Variants in TOX2 observed in about 807,000 individuals in gnomAD.
TOX2 encodes the protein granulosa cell HMG box 1.
Under a neutral mutation model 47.4 loss-of-function variants are expected in TOX2, and 15 were observed. That is an observed-to-expected ratio of 0.32 (90% CI 0.21 to 0.49). The LOEUF (loss-of-function observed/expected upper bound fraction) is 0.49, where lower values mean the gene tolerates loss of function less well. TOX2 is among the 20% of genes least tolerant of loss of function. The pLI, the probability that TOX2 is intolerant of heterozygous loss-of-function variation, is 0.99. For synonymous variants in TOX2, 290 were observed against 296.6 expected, an observed-to-expected ratio of 0.98 and a Z score of 0.23; for missense variants, 622 against 673.1, an observed-to-expected ratio of 0.92 and a Z score of 0.84.
intron 7 of TOX2, 26 bp downstream of exon 7, chr20:44,066,133 C>A: frequency 6.7e-7 from 1 of 1,501,950 alleles, no homozygotes; most frequent in Non-Finnish European, 8.8e-7. Flanking sequence ...CAGAACAGCC[C>A]TTCTGTGACC....
Position 43,940,476 on chromosome 20 carries a change from G to A in TOX2, c.99+25486G>A, listed in dbSNP as rs535579153. On this transcript the variant is annotated intron_variant, in intron 1 of 8. Coordinates refer to ENST00000341197, the MANE Select transcript of TOX2 (RefSeq NM_001098797.2). ...TGATCTCAAGCAATCCTCCCATCTC[G>A]GCCTCACAAATTGCTGGGATTACAG... 4.0e-4 allele frequency among the ~76,000 whole-genome samples: 61 copies of A among 151,204 alleles called. 1 individual carries two copies. The highest frequency in any genetic ancestry group is 4.4e-4 in the Non-Finnish European group (30 of 67,874).
At chr20:44,005,972 A>C (rs527950126) in intron 2 of TOX2, among the ~76,000 whole-genome samples, 2 of 152,066 alleles carry the variant, frequency 1.3e-5, no homozygotes, top group African/African-American at 4.8e-5. Context: ...CTGGAAAGGA[A>C]GGTGCACAGG....
At position 44,006,693 on chromosome 20, in the gene TOX2, G is replaced by A; in HGVS notation, c.312G>A (p.Leu104=). ...GCCACGGCCTCACCCCCAACGGTCT[G>A]CTCCCTGCCTACTCCTATCAGGCCA... ...SLCHGLTPNG[L]LPAYSYQAMD... is the part of the protein sequence containing the mutation. The change falls in exon 3 of 9, where the codon CTG becomes CTA. Residue 104 remains leucine, a synonymous_variant. Coordinates refer to ENST00000341197, the MANE Select transcript of TOX2 (RefSeq NM_001098797.2). 6.2e-7 allele frequency: 1 copy of A among 1,614,096 alleles called. No individual in the cohort carries two copies. Among genetic ancestry groups the A allele is most frequent in the Non-Finnish European group, 8.5e-7 (1 of 1,180,040 alleles).
At chr20:44,009,713 T>C (rs978418331) in intron 3 of TOX2, among the ~76,000 whole-genome samples, 1 of 152,214 alleles carries the variant, frequency 6.6e-6, no homozygotes, top group Non-Finnish European at 1.5e-5. Context: ...CCGTACTTGC[T>C]TACTGGGCTC....
chr20:43,997,620 C>T (rs984299910), intron 2 of TOX2, among the ~76,000 whole-genome samples: 1 of 151,888 alleles, frequency 6.6e-6, no homozygotes, highest in Non-Finnish European at 1.5e-5. Flanking sequence ...CCTTGTATTT[C>T]TTATCTAAAA....
chr20:43,958,002 C>T (rs568553503), intron 1 of TOX2, among the ~76,000 whole-genome samples: 60 of 152,298 alleles, frequency 3.9e-4, no homozygotes, highest in African/African-American at 1.4e-3. Context: ...TTGGGCATTA[C>T]AATTCGACAT....
At chr20:43,946,257 A>AG (rs2069468861) in intron 1 of TOX2, among the ~76,000 whole-genome samples, 1 of 152,228 alleles carries the variant, frequency 6.6e-6, no homozygotes, top group Non-Finnish European at 1.5e-5. Context: ...TCTGGAGAGC[A>AG]GGGTCAGGCT....
At chr20:43,933,945 G>A (rs544471028) in intron 1 of TOX2, among the ~76,000 whole-genome samples, 183 of 152,226 alleles carry the variant, frequency 1.2e-3, no homozygotes, top group African/African-American at 4.3e-3. Context: ...CTCGGGCTCC[G>A]ATGTGGACTC....
At chr20:44,063,545 GA>G (rs1448043736) in intron 5 of TOX2, among the ~76,000 whole-genome samples, 1 of 152,124 alleles carries the variant, frequency 6.6e-6, no homozygotes, top group Non-Finnish European at 1.5e-5. Context: ...AAACAGTGTG[GA>G]AATTCCCCAA....
At chr20:44,059,900 C>G (rs1163608824) in intron 5 of TOX2, among the ~76,000 whole-genome samples, 1 of 152,144 alleles carries the variant, frequency 6.6e-6, no homozygotes, top group East Asian at 1.9e-4. Flanking sequence ...AGAATAGTAC[C>G]TCACATCTCA....
intron 3 of TOX2, among the ~76,000 whole-genome samples, chr20:44,048,900 GC>G (rs2071461215): frequency 1.3e-5 from 2 of 152,246 alleles, no homozygotes; most frequent in South Asian, 4.1e-4. Context: ...ACTTTGGCGG[GC>G]CGAGGTGGGC....
At chr20:43,961,114 G>T (rs980415231) in intron 1 of TOX2, among the ~76,000 whole-genome samples, 11 of 152,268 alleles carry the variant, frequency 7.2e-5, no homozygotes, top group Admixed American at 5.2e-4. Context: ...TGTTTTACGG[G>T]GTGCCCCCAT....
At chr20:44,036,109 C>T (rs111922765) in intron 3 of TOX2, among the ~76,000 whole-genome samples, 177 of 152,326 alleles carry the variant, frequency 1.2e-3, no homozygotes, top group African/African-American at 3.8e-3. Context: ...GTTGCAGCTG[C>T]GAGCTGTCAG....
rs2069119890 is a variant in TOX2 at position 43,922,229 on chromosome 20, C to A, written c.99+7239C>A. 3.3e-5 allele frequency among the ~76,000 whole-genome samples: 5 copies of A among 152,308 alleles called. No homozygotes were observed. The South Asian group carries it at 1.0e-3, about 32-fold the overall frequency. ...TGTTTCCCAGCCTCGGCGCTATTGA[C>A]ATTTTGGACCTAATAACATTGTTGT... On this transcript the variant is annotated intron_variant, in intron 1 of 8. Coordinates refer to ENST00000341197, the MANE Select transcript of TOX2 (RefSeq NM_001098797.2).
At chr20:43,921,692 T>C (rs925499538) in intron 1 of TOX2, among the ~76,000 whole-genome samples, 10 of 151,830 alleles carry the variant, frequency 6.6e-5, no homozygotes, top group African/African-American at 2.4e-4. Context: ...ACAGTCTTGC[T>C]CTCTTGCCCA....
intron 3 of TOX2, among the ~76,000 whole-genome samples, chr20:44,040,161 G>A (rs2071309315): frequency 6.6e-6 from 1 of 152,158 alleles, no homozygotes. Flanking sequence ...TTCTTCTAAA[G>A]GCTGAAATTG....
At position 44,034,923 on chromosome 20, in the gene TOX2, C is replaced by T. The variant is rs77827865; in HGVS notation, c.412-16383C>T. On this transcript the variant is annotated intron_variant, in intron 3 of 8. Coordinates refer to ENST00000341197, the MANE Select transcript of TOX2 (RefSeq NM_001098797.2). ...GCTCATCACCTTCACTCTGCTCAAT[C>T]CTGCTCCTCCTTCTATGTCTCCACC... Among the ~76,000 whole-genome samples the T allele has an allele frequency of 3.3e-3, 496 of 152,378 alleles. 2 individuals are homozygous for T. The highest frequency in any genetic ancestry group is 5.1e-3 in the Non-Finnish European group (347 of 68,032).
intron 1 of TOX2, among the ~76,000 whole-genome samples, chr20:43,926,718 A>G (rs146345049): frequency 6.6e-6 from 1 of 152,216 alleles, no homozygotes; most frequent in East Asian, 1.9e-4. Context: ...TTCTCATTGC[A>G]ATTCCCACAG....
intron 3 of TOX2, among the ~76,000 whole-genome samples, chr20:44,031,543 T>C (rs80057721): frequency 0.013 from 1,927 of 152,262 alleles, 46 homozygotes; most frequent in African/African-American, 0.044. Flanking sequence ...CTGTGGCTCA[T>C]TGACCGCCAC....
Sources: gnomAD v4.1 joint callset for allele counts (sites outside exome capture counted in the v4.1 genomes callset) on GRCh38, gnomAD v4.1.1 for gene constraint, MANE v1.5 for transcripts, NCBI Gene and HGNC (gene_info 2026-07-23, HGNC 2026-07-21) for gene names.